The following GRK6 variants were observed in gnomAD, a reference collection of about 807,000 sequenced individuals.
GRK6 encodes the protein G protein-coupled receptor kinase 6.
Under a neutral mutation model 80.8 loss-of-function variants are expected in GRK6, and 37 were observed. The observed-to-expected ratio is 0.46, with a 90% CI of 0.35 to 0.60. The LOEUF is 0.60. Among genes scored for constraint, GRK6 ranks in the 20% least tolerant of loss-of-function variants. The pLI is 0.00. For missense variants in GRK6, 560 were observed against 784.6 expected, an observed-to-expected ratio of 0.71 and a Z score of 3.42; for synonymous variants, 295 against 320.9, an observed-to-expected ratio of 0.92 and a Z score of 0.86.
At chr5:177,425,955 C>T (rs1013354688), upstream of GRK6, among the ~76,000 whole-genome samples, 6 of 152,258 alleles carry the variant, frequency 3.9e-5, no homozygotes, top group Non-Finnish European at 5.9e-5. Flanking sequence ...GGTGGTAGCG[C>T]TGCCTTATAA....
At chr5:177,440,317 A>C (rs1164375065) in intron 13 of GRK6, among the ~76,000 whole-genome samples, 1 of 152,124 alleles carries the variant, frequency 6.6e-6, no homozygotes, top group Non-Finnish European at 1.5e-5. Context: ...CAGGGCGGGG[A>C]GCCAGGGAGT....
chr5:177,441,108 G>A lies in GRK6; in HGVS notation c.1677+55G>A, dbSNP rs975725599. 1.0e-5 allele frequency: 16 copies of A among 1,598,050 alleles called. No homozygotes were observed. The African/African-American group carries it at 2.0e-4, about 20-fold the overall frequency. On this transcript the variant is annotated intron_variant, in intron 15 of 15. Coordinates refer to ENST00000355472, the MANE Select transcript of GRK6 (RefSeq NM_001004106.3). The stretch of plus-strand genomic sequence containing the variant: ...CCTAACCTGGCTCCAGGGGACGGTG[G>A]GTGGGAGGCAGAGCCGGTGCCCGCA...
chr5:177,441,338 G>A, intron 15 of GRK6: 1 of 1,522,014 alleles, frequency 6.6e-7, no homozygotes, highest in Non-Finnish European at 8.9e-7. Context: ...AGATGTGGGA[G>A]AAAGAAGTCT....
rs1265917586 is a variant in GRK6 at position 177,441,436 on chromosome 5, C to T, written c.1678-301C>T. The T allele has an allele frequency of 9.7e-5, 70 of 720,524 alleles. 1 individual carries two copies. The highest frequency in any genetic ancestry group is 5.5e-5 in the South Asian group (3 of 54,722). The allele number at this position is 720,524 out of a possible 1,614,324, so 44.6% of individuals were successfully genotyped here. ...GCCAGCTTTGCTTCGCTTGTCTCCC[C>T]GTGCCCTGTCTCTGCCAGCCCCAGG... On this transcript the variant is annotated intron_variant, in intron 15 of 15. Transcript: ENST00000355472.
In GRK6 at chr5:177,434,026, C is replaced by T. The variant is rs566558526; in HGVS notation, c.851C>T (p.Pro284Leu). The T allele has an allele frequency of 6.2e-7, 1 of 1,612,360 alleles. No homozygotes were observed. Among genetic ancestry groups the T allele is most frequent in the African/African-American group, 1.3e-5 (1 of 75,010 alleles). Residue 284 changes from proline (P) to leucine (L), a missense_variant, in exon 9 of 16, where the codon CCC (proline) becomes CTC (leucine). Pro to Leu is a moderately conservative substitution (Grantham distance 98). Coordinates refer to ENST00000355472, the MANE Select transcript of GRK6 (RefSeq NM_001004106.3). The stretch of plus-strand genomic sequence containing the variant: ...TACCACATGGGCCAGGCTGGCTTCC[C>T]CGAAGCGCGGGCCGTCTTCTACGCC... ...HIYHMGQAGF[P>L]EARAVFYAAE...
chr5:177,441,672 C>A (rs1764508941), intron 15 of GRK6, 65 bp from the exon 16 acceptor site: 2 of 1,338,816 alleles, frequency 1.5e-6, no homozygotes, highest in African/African-American at 1.4e-5. Flanking sequence ...CATGTGACGT[C>A]CCTCGTGGTT....
In GRK6 at chr5:177,436,541, C is replaced by T. The variant is rs1290191528; in HGVS notation, c.1404+11C>T. 1.3e-6 allele frequency: 2 copies of T among 1,568,472 alleles called. No individual in the cohort carries two copies. Among genetic ancestry groups the T allele is most frequent in the South Asian group, 1.2e-5 (1 of 83,976 alleles). ...CCGTTCAAGCCTGACGTGAGTGCAG[C>T]CCACTCCTGCTGAGGGCGGGGCCCA... On this transcript the variant is annotated intron_variant, in intron 13 of 15. Transcript: ENST00000355472.
In GRK6 at chr5:177,442,447, T is replaced by C. The variant is rs556756347; in HGVS notation, c.*657T>C. On this transcript the variant is annotated 3_prime_UTR_variant, in exon 16 of 16. Coordinates refer to ENST00000355472, the MANE Select transcript of GRK6 (RefSeq NM_001004106.3). ...AGCCCACTGCCCCGGCCGGCCCAGA[T>C]AGGTCTGCCTCTGCCTTCCAGCTCC... 1.3e-5 allele frequency: 2 copies of C among 153,364 alleles called. No individual in the cohort carries two copies. Among genetic ancestry groups the C allele is most frequent in the African/African-American group, 2.4e-5 (1 of 41,480 alleles). The allele number at this position is 153,364 out of a possible 1,614,324, so 9.5% of individuals were successfully genotyped here. A position where few individuals can be genotyped will look rare whatever the true frequency, so the allele number is the denominator to read the frequency against.
intron 11 of GRK6, 26 bp from the exon 12 acceptor site, chr5:177,436,047 C>A (rs769733363): frequency 6.2e-7 from 1 of 1,603,722 alleles, no homozygotes; most frequent in Non-Finnish European, 8.5e-7. Flanking sequence ...TCCTGCCCAG[C>A]CCTAACTCCC....
intron 4 of GRK6, 129 bp downstream of exon 4, chr5:177,432,439 G>A (rs1477427097): frequency 8.2e-6 from 8 of 975,122 alleles, no homozygotes; most frequent in Non-Finnish European, 1.3e-5. Context: ...AGCCTGGACA[G>A]AGAGTGCCCT....
upstream of GRK6, among the ~76,000 whole-genome samples, chr5:177,425,670 G>C (rs1314323229): frequency 6.6e-6 from 1 of 152,256 alleles, no homozygotes; most frequent in African/African-American, 2.4e-5. Context: ...TGGCACAGAG[G>C]TGTTGCTCTG....
chr5:177,432,715 C>T lies in GRK6; in HGVS notation c.349C>T (p.Leu117Phe). The T allele has an allele frequency of 6.2e-7, 1 of 1,604,344 alleles. No individual in the cohort carries two copies. Among genetic ancestry groups the T allele is most frequent in the South Asian group, 1.1e-5 (1 of 89,542 alleles). ...QNFLSHTGPD[L>F]IPEVPRQLVT... ...TGGGGCTTGTTCCCAGGGTCCTGAC[C>T]TCATCCCTGAGGTCCCCCGGCAGCT... Residue 117 changes from leucine to phenylalanine, a missense_variant, in exon 5 of 16, where the codon CTC becomes TTC. Around this residue, in one of 3 missense-constraint regions of GRK6, gnomAD observed 189 missense variants for 230.2 expected, o/e 0.82. Transcript: ENST00000355472.
chr5:177,441,833 A>T lies in GRK6; in HGVS notation c.*43A>T. 1 of 1,578,898 alleles carries T rather than the reference A, an allele frequency of 6.3e-7. No homozygotes were observed. The highest frequency in any genetic ancestry group is 8.7e-7 in the Non-Finnish European group (1 of 1,149,538). On this transcript the variant is annotated 3_prime_UTR_variant, in exon 16 of 16. Transcript: ENST00000355472. ...CCACCAGCAGTTGGCGGTAGCAGCT[A>T]CTCCGAGCGCCGTTTACAGTTTTGC...
rs1372444204 is a variant in GRK6 at position 177,429,918 on chromosome 5, C to T, written c.53-954C>T. 1.3e-5 allele frequency among the ~76,000 whole-genome samples: 2 copies of T among 152,202 alleles called. No individual in the cohort carries two copies. The highest frequency in any genetic ancestry group is 2.9e-5 in the Non-Finnish European group (2 of 68,036). On this transcript the variant is annotated intron_variant, in intron 1 of 15. Coordinates refer to ENST00000355472, the MANE Select transcript of GRK6 (RefSeq NM_001004106.3). The surrounding 1 kb of genome is among the most constrained non-coding windows in gnomAD (Gnocchi z 4.3). ...ACAGTGTGAATCAGAGATTCAGACC[C>T]AGCTCTGGGAGGCTCAGGCCCCTTC...
At position 177,426,789 on chromosome 5, in the gene GRK6, C is replaced by T. The variant is rs1763691241; in HGVS notation, c.-57C>T. 4 of 1,033,724 alleles carry T rather than the reference C, an allele frequency of 3.9e-6. No homozygotes were observed. The highest frequency in any genetic ancestry group is 4.7e-6 in the Non-Finnish European group (4 of 854,460). 64.0% of individuals were successfully genotyped at this position (1,033,724 alleles called of 1,614,324 possible). ...CGCCGATCGCCATCCGGCCTCGGCACTCGCGCGCGATCCCGGCCGGCGGCG... is the reference window on the plus strand; with the variant it reads ...CGCCGATCGCCATCCGGCCTCGGCATTCGCGCGCGATCCCGGCCGGCGGCG... On this transcript the variant is annotated 5_prime_UTR_variant, in exon 1 of 16. Transcript: ENST00000355472.
At chr5:177,427,482 CAG>C (rs1007380270) in intron 1 of GRK6, among the ~76,000 whole-genome samples, 3 of 152,196 alleles carry the variant, frequency 2.0e-5, no homozygotes, top group Admixed American at 6.5e-5. Flanking sequence ...CTAGCGGACA[CAG>C]AAAGAAGTGG....
chr5:177,435,078 G>C lies in GRK6; in HGVS notation c.1014G>C (p.Glu338Asp), dbSNP rs373013135. Residue 338 changes from glutamate to aspartate, a missense_variant, in exon 11 of 16, where the codon GAG becomes GAC. Coordinates refer to ENST00000355472, the MANE Select transcript of GRK6 (RefSeq NM_001004106.3). ...TGGGACTAGCTGTGCATGTGCCCGA[G>C]GGCCAGACCATCAAAGGGCGTGTGG... is the stretch of plus-strand genomic sequence containing the variant. ...SDLGLAVHVP[E>D]GQTIKGRVGT... is the part of the protein sequence containing the mutation. 9.9e-6 allele frequency: 16 copies of C among 1,611,898 alleles called. No homozygotes were observed. Among genetic ancestry groups the C allele is most frequent in the Non-Finnish European group, 1.3e-5 (15 of 1,179,382 alleles).
Position 177,434,087 on chromosome 5 carries a change from G to A in GRK6, c.912G>A (p.Arg304=), listed in dbSNP as rs1227593931. 7 of 1,590,790 alleles carry A rather than the reference G, an allele frequency of 4.4e-6. No individual in the cohort carries two copies. Among genetic ancestry groups the A allele is most frequent in the Non-Finnish European group, 5.1e-6 (6 of 1,169,496 alleles). ...GCTGTGGCCTGGAGGACCTGCACCG[G>A]GAGCGCATCGTGTACAGGTGGGGAG... The part of the protein sequence containing the change: ...EICCGLEDLH[R]ERIVYRDLKP... Residue 304 remains arginine, a synonymous_variant, in exon 9 of 16, where the codon CGG becomes CGA. Coordinates refer to ENST00000355472, the MANE Select transcript of GRK6 (RefSeq NM_001004106.3).
At chr5:177,433,485 C>A (rs1441320386) in intron 7 of GRK6, 51 bp from the exon 8 acceptor site, 1 of 1,611,954 alleles carries the variant, frequency 6.2e-7, no homozygotes, top group Non-Finnish European at 8.5e-7. Flanking sequence ...CCCCTGGATG[C>A]CCAGCAATGG....
Sources: gnomAD v4.1 joint callset for allele counts (sites outside exome capture counted in the v4.1 genomes callset) on GRCh38, gnomAD v4.1.1 for gene constraint, gnomAD v4.1.1 regional missense constraint, Gnocchi (gnomAD v3.1) non-coding constraint, MANE v1.5 for transcripts, NCBI Gene and HGNC (gene_info 2026-07-23, HGNC 2026-07-21) for gene names.